The following NCAM2 variants were observed in gnomAD, a reference collection of about 807,000 sequenced individuals.
The protein encoded by NCAM2 is N-CAM-2.
A neutral mutation model predicts 98.1 loss-of-function variants in NCAM2; 30 were observed. The ratio of observed to expected loss-of-function variants is 0.31; its 90% confidence interval spans 0.23 to 0.41. The LOEUF is 0.41. Ranked by LOEUF, NCAM2 falls within the 10% of genes least tolerant of loss-of-function variation. The pLI, the probability that NCAM2 is intolerant of heterozygous loss-of-function variation, is 1.00. For synonymous variants in NCAM2, 368 were observed against 342.4 expected, an observed-to-expected ratio of 1.07 and a Z score of -0.83; for missense variants, 867 against 1,005.8, an observed-to-expected ratio of 0.86 and a Z score of 1.87.
Position 21,324,515 on chromosome 21 carries a change from CCCCTCCCTCT to C in NCAM2, c.737+16_737+25del. 1 of 1,542,904 alleles carries C rather than the reference CCCCTCCCTCT, an allele frequency of 6.5e-7. No individual in the cohort carries two copies. Among genetic ancestry groups the C allele is most frequent in the Non-Finnish European group, 9.0e-7 (1 of 1,116,658 alleles). The stretch of plus-strand genomic sequence containing the variant: ...TCCTGGTTCAGGTAGGTTATGCACC[CCCCTCCCTCT>C]GGCTTGTGTCCATTATCAGGCTTAT... On this transcript the variant is annotated intron_variant, in intron 6 of 17. Coordinates refer to ENST00000400546, the MANE Select transcript of NCAM2 (RefSeq NM_004540.5).
chr21:21,220,458 A>T (rs2070100095), intron 1 of NCAM2, among the ~76,000 whole-genome samples: 1 of 152,142 alleles, frequency 6.6e-6, no homozygotes, highest in Non-Finnish European at 1.5e-5. Flanking sequence ...CACACAGCCT[A>T]GGTTTGTAGT....
At chr21:21,056,464 G>A (rs1024883117) in intron 1 of NCAM2, among the ~76,000 whole-genome samples, 10 of 146,544 alleles carry the variant, frequency 6.8e-5, no homozygotes, top group African/African-American at 2.3e-4. Flanking sequence ...GTAATTGACA[G>A]TTTAGAGCAA....
At chr21:21,046,731 C>T (rs1039060705) in intron 1 of NCAM2, among the ~76,000 whole-genome samples, 3 of 152,116 alleles carry the variant, frequency 2.0e-5, no homozygotes, top group African/African-American at 7.2e-5. Flanking sequence ...TTAATTCTTA[C>T]TGGTTTGTTT....
chr21:21,293,510 C>A (rs1403628014), intron 5 of NCAM2, among the ~76,000 whole-genome samples: 3 of 151,736 alleles, frequency 2.0e-5, no homozygotes, highest in African/African-American at 4.8e-5. Flanking sequence ...AAACTGGGTC[C>A]TTAGAGGAGA....
rs976407756 is a variant in NCAM2, at chr21:21,256,342, G to A, written c.56-24236G>A. Among the ~76,000 whole-genome samples the A allele has an allele frequency of 5.1e-4, 77 of 151,924 alleles. 2 individuals carry two copies. Among genetic ancestry groups the A allele is most frequent in the Non-Finnish European group, 8.8e-5 (6 of 67,984 alleles). On this transcript the variant is annotated intron_variant, in intron 1 of 17. Transcript: ENST00000400546. ...TTGCACTCCAGCCTGGGCAACAAGA[G>A]CAAAAAACTCTGTCTCAAATAATAA...
At chr21:21,139,044 A>T (rs1305708409) in intron 1 of NCAM2, among the ~76,000 whole-genome samples, 2 of 152,224 alleles carry the variant, frequency 1.3e-5, no homozygotes, top group African/African-American at 4.8e-5. Context: ...CTTACTTTGA[A>T]AAAGGATCTT....
At chr21:21,532,870 C>A (rs186768644) in intron 16 of NCAM2, among the ~76,000 whole-genome samples, 48 of 152,112 alleles carry the variant, frequency 3.2e-4, no homozygotes, top group Non-Finnish European at 5.0e-4. Context: ...TTACTTGGGG[C>A]CCTTGATCAG....
intron 1 of NCAM2, among the ~76,000 whole-genome samples, chr21:21,065,426 C>T (rs74813710): frequency 0.037 from 5,620 of 152,044 alleles, 315 homozygotes; most frequent in African/African-American, 0.13. Flanking sequence ...CCTAATACAA[C>T]GACAAAAACA....
intron 10 of NCAM2, among the ~76,000 whole-genome samples, chr21:21,415,660 G>A (rs1014900894): frequency 3.3e-5 from 5 of 152,108 alleles, no homozygotes; most frequent in African/African-American, 1.2e-4. Context: ...TGGATAACAT[G>A]CTGCAGCTTC....
intron 1 of NCAM2, among the ~76,000 whole-genome samples, chr21:21,276,633 C>T (rs2072738778): frequency 6.6e-6 from 1 of 152,052 alleles, no homozygotes; most frequent in East Asian, 1.9e-4. Context: ...TGATTTGGGT[C>T]AAAAATCAGC....
chr21:21,001,144 C>T (rs1162091066), intron 1 of NCAM2, among the ~76,000 whole-genome samples: 2 of 152,094 alleles, frequency 1.3e-5, no homozygotes, highest in African/African-American at 2.4e-5. Context: ...GGAGTCAAAA[C>T]GTTTTGAACT....
At chr21:21,365,728 C>G (rs2075769186) in intron 8 of NCAM2, among the ~76,000 whole-genome samples, 1 of 151,920 alleles carries the variant, frequency 6.6e-6, no homozygotes, top group African/African-American at 2.4e-5. Flanking sequence ...TGATATAAAA[C>G]AGCTCAAATA....
chr21:21,490,516 G>A (rs1262120663), intron 15 of NCAM2, among the ~76,000 whole-genome samples: 2 of 151,838 alleles, frequency 1.3e-5, no homozygotes, highest in East Asian at 1.9e-4. Flanking sequence ...GTTACACACT[G>A]TAAAGAATGC....
intron 13 of NCAM2, 81 bp downstream of exon 13, chr21:21,466,806 A>T: frequency 2.2e-6 from 3 of 1,372,722 alleles, no homozygotes; most frequent in Non-Finnish European, 3.0e-6. Flanking sequence ...ATGTAGGGAG[A>T]TGTTTCAACA....
chr21:21,189,204 A>T (rs1281397208), intron 1 of NCAM2, among the ~76,000 whole-genome samples: 1 of 152,210 alleles, frequency 6.6e-6, no homozygotes, highest in Admixed American at 6.5e-5. Context: ...AATCAATGGT[A>T]TTAAACCATT....
chr21:21,126,191 C>A (rs1173140881), intron 1 of NCAM2, among the ~76,000 whole-genome samples: 1 of 131,520 alleles, frequency 7.6e-6, no homozygotes, highest in African/African-American at 2.9e-5. Flanking sequence ...GGGTAGGAGC[C>A]ATGAGACCAG....
At chr21:21,361,321 A>G (rs184612962) in intron 8 of NCAM2, among the ~76,000 whole-genome samples, 58 of 152,212 alleles carry the variant, frequency 3.8e-4, no homozygotes, top group African/African-American at 1.3e-3. Flanking sequence ...AACATACTCC[A>G]GTTAGATTTT....
intron 12 of NCAM2, among the ~76,000 whole-genome samples, chr21:21,453,156 TA>T (rs1981587544): frequency 7.1e-6 from 1 of 141,258 alleles, no homozygotes; most frequent in Admixed American, 7.7e-5. Flanking sequence ...ATGTTTAATA[TA>T]TCAAAATTTA....
In NCAM2 at chr21:21,538,763, A is replaced by G. The variant is rs936132230; in HGVS notation, c.*806A>G. The stretch of plus-strand genomic sequence containing the variant: ...TCAGCTTCAAATAAAGTAAATTGAA[A>G]TGGGAACAATATCAATATGGTGTCT... On this transcript the variant is annotated 3_prime_UTR_variant, in exon 18 of 18. Transcript: ENST00000400546. The G allele has an allele frequency of 2.0e-5, 3 of 152,178 alleles. No homozygotes were observed. Among genetic ancestry groups the G allele is most frequent in the Non-Finnish European group, 4.4e-5 (3 of 68,016 alleles). The allele number at this position is 152,178 out of a possible 1,614,324, so 9.4% of individuals were successfully genotyped here. A position where few individuals can be genotyped will look rare whatever the true frequency, so the allele number is the denominator to read the frequency against.
Sources: allele counts gnomAD v4.1 joint callset (sites outside exome capture counted in the v4.1 genomes callset), GRCh38; gene constraint gnomAD v4.1.1; transcripts MANE v1.5; gene names NCBI Gene and HGNC (gene_info 2026-07-23, HGNC 2026-07-21).